CADM2: variants seen among roughly 807,000 people sequenced by gnomAD.
CADM2 encodes the protein cell adhesion molecule 2.
A neutral mutation model predicts 49.8 loss-of-function variants in CADM2; 12 were observed. That is an observed-to-expected ratio of 0.24 (90% CI 0.15 to 0.39). The LOEUF is 0.39. Ranked by LOEUF, CADM2 falls within the 10% of genes least tolerant of loss-of-function variation. CADM2 has a pLI of 1.00. For missense variants in CADM2, 378 were observed against 492.3 expected (o/e 0.77, Z 2.20); for synonymous variants, 214 against 175.4 (o/e 1.22, Z -1.74).
In CADM2 at chr3:86,068,074, G is replaced by T. The variant is rs4410441; in HGVS notation, c.*1291G>T. 1,499 of 152,396 alleles carry T rather than the reference G, an allele frequency of 9.8e-3. 31 individuals are homozygous for T. The highest frequency in any genetic ancestry group is 0.062 in the East Asian group (322 of 5,184). 9.4% of individuals were successfully genotyped at this position (152,396 alleles called of 1,614,324 possible). The stretch of plus-strand genomic sequence containing the variant: ...CTATGTTGGTTTGCCAAAAAGAAGT[G>T]TTTAAGATATGTTTTCTGTATAAAT... On this transcript the variant is annotated 3_prime_UTR_variant, in exon 10 of 10. Transcript: ENST00000383699.
intron 1 of CADM2, among the ~76,000 whole-genome samples, chr3:85,296,085 TTGA>T (rs1220512099): frequency 6.6e-6 from 1 of 152,104 alleles, no homozygotes; most frequent in Non-Finnish European, 1.5e-5. Flanking sequence ...ATATCCATAC[TTGA>T]TATTATAATA....
intron 1 of CADM2, among the ~76,000 whole-genome samples, chr3:85,174,248 G>T (rs2040713952): frequency 6.6e-6 from 1 of 152,076 alleles, no homozygotes; most frequent in Non-Finnish European, 1.5e-5. Flanking sequence ...CACATAATAA[G>T]ATTTCAAATA....
chr3:85,162,091 TG>T (rs1317693044), intron 1 of CADM2, among the ~76,000 whole-genome samples: 6 of 150,506 alleles, frequency 4.0e-5, no homozygotes, highest in Non-Finnish European at 8.9e-5. Flanking sequence ...GCCCAGATAT[TG>T]ATTGGGTTCA....
At chr3:85,940,164 C>CA (rs10527231) in intron 7 of CADM2, among the ~76,000 whole-genome samples, 10,976 of 52,112 alleles carry the variant, frequency 0.21, 1,307 homozygotes, top group Admixed American at 0.24. Context: ...ACTAAAAATA[C>CA]AAAAAAAAAA....
At chr3:85,379,964 C>G (rs558028620) in intron 1 of CADM2, among the ~76,000 whole-genome samples, 1 of 152,124 alleles carries the variant, frequency 6.6e-6, no homozygotes, top group South Asian at 2.1e-4. Context: ...CTTTAGCAAA[C>G]ATTTCTGTTT....
chr3:85,081,480 A>T (rs2037163944), intron 1 of CADM2, among the ~76,000 whole-genome samples: 2 of 152,222 alleles, frequency 1.3e-5, no homozygotes, highest in Non-Finnish European at 2.9e-5. Context: ...TAAGATTCAT[A>T]AACTTTGGCC....
chr3:85,300,840 T>C (rs906695827), intron 1 of CADM2, among the ~76,000 whole-genome samples: 2 of 151,970 alleles, frequency 1.3e-5, no homozygotes, highest in Non-Finnish European at 2.9e-5. Context: ...GCTTCTTGCT[T>C]TTTTTCATAT....
intron 8 of CADM2, among the ~76,000 whole-genome samples, chr3:86,034,517 AG>A (rs1734928814): frequency 6.6e-6 from 1 of 152,090 alleles, no homozygotes; most frequent in Non-Finnish European, 1.5e-5. Context: ...TGCAGCTCAC[AG>A]AACCGTGAGA....
At chr3:85,135,714 T>A (rs2039397644) in intron 1 of CADM2, among the ~76,000 whole-genome samples, 1 of 152,076 alleles carries the variant, frequency 6.6e-6, no homozygotes, top group East Asian at 1.9e-4. Context: ...ATTATAGTAT[T>A]CAAATATTGC....
chr3:86,043,238 G>A (rs1736192024), intron 8 of CADM2, among the ~76,000 whole-genome samples: 1 of 152,110 alleles, frequency 6.6e-6, no homozygotes, highest in Admixed American at 6.6e-5. Flanking sequence ...AGGGCAATCA[G>A]GCAGGAGAAA....
At chr3:85,976,459 T>A (rs1307416161) in intron 8 of CADM2, among the ~76,000 whole-genome samples, 1 of 151,632 alleles carries the variant, frequency 6.6e-6, no homozygotes, top group Non-Finnish European at 1.5e-5. Context: ...CCCATTAATA[T>A]TCTGGTGCTG....
intron 1 of CADM2, among the ~76,000 whole-genome samples, chr3:85,449,079 T>TAATAATAATAATAATAAA (rs1338554155): frequency 4.7e-5 from 7 of 147,854 alleles, no homozygotes; most frequent in African/African-American, 1.7e-4. Flanking sequence ...ATAATAATGA[T>TAATAATAATAATAATAAA]AAAAATTATA....
intron 3 of CADM2, among the ~76,000 whole-genome samples, chr3:85,825,669 A>G (rs2073868109): frequency 6.6e-6 from 1 of 152,084 alleles, no homozygotes; most frequent in South Asian, 2.1e-4. Flanking sequence ...TAGGATTTGG[A>G]ATACATATTT....
intron 1 of CADM2, among the ~76,000 whole-genome samples, chr3:85,047,383 A>C (rs2035708657): frequency 6.6e-6 from 1 of 152,182 alleles, no homozygotes; most frequent in Admixed American, 6.6e-5. Flanking sequence ...GATTTGCAAC[A>C]ATGGAAATTA....
Position 85,306,372 on chromosome 3 carries a change from TTCA to T in CADM2, c.61+346708_61+346710del, listed in dbSNP as rs576068118. Reference sequence around the variant, plus strand: ...AGTAATCAAAAAACAAATTATTGACTTCATCAATCTAATGAAGGAAATTGTATT... The same window carrying T: ...AGTAATCAAAAAACAAATTATTGACTTCAATCTAATGAAGGAAATTGTATT... On this transcript the variant is annotated intron_variant, in intron 1 of 9. Transcript: ENST00000383699. Among the ~76,000 whole-genome samples the T allele has an allele frequency of 1.3e-3, 191 of 151,860 alleles. 1 individual carries two copies. The highest frequency in any genetic ancestry group is 4.2e-3 in the African/African-American group (173 of 41,524).
At chr3:85,035,450 CT>C (rs1157309514) in intron 1 of CADM2, among the ~76,000 whole-genome samples, 1 of 152,028 alleles carries the variant, frequency 6.6e-6, no homozygotes, top group African/African-American at 2.4e-5. Flanking sequence ...TCCATTTTTG[CT>C]TTGGTTTCCT....
At chr3:85,465,424 T>TA (rs1235571851) in intron 1 of CADM2, among the ~76,000 whole-genome samples, 1 of 152,168 alleles carries the variant, frequency 6.6e-6, no homozygotes, top group African/African-American at 2.4e-5. Context: ...ATGAGTAATT[T>TA]AAAAAGTCAA....
At chr3:84,990,537 G>A (rs971826334) in intron 1 of CADM2, among the ~76,000 whole-genome samples, 20 of 151,586 alleles carry the variant, frequency 1.3e-4, no homozygotes, top group Non-Finnish European at 2.8e-4. Context: ...TGAAAATTAT[G>A]GTTTCCTTTT....
intron 1 of CADM2, among the ~76,000 whole-genome samples, chr3:84,979,182 G>A (rs1287162690): frequency 6.6e-6 from 1 of 152,128 alleles, no homozygotes; most frequent in Non-Finnish European, 1.5e-5. Flanking sequence ...GTCATTAGAT[G>A]AAAAAGTTTT....
Sources: gnomAD v4.1 joint callset for allele counts (sites outside exome capture counted in the v4.1 genomes callset) on GRCh38, gnomAD v4.1.1 for gene constraint, MANE v1.5 for transcripts, NCBI Gene and HGNC (gene_info 2026-07-23, HGNC 2026-07-21) for gene names.